The following NLN variants were observed in gnomAD, a reference collection of about 807,000 sequenced individuals.
NLN encodes neurolysin.
A neutral mutation model predicts 79.9 loss-of-function variants in NLN; 64 were observed. That is an observed-to-expected ratio of 0.80 (90% CI 0.65 to 0.99). NLN has a LOEUF of 0.99. Ranked by LOEUF, NLN falls within the 50% of genes least tolerant of loss-of-function variation. The pLI, the probability that NLN is intolerant of heterozygous loss-of-function variation, is 0.00. For missense variants in NLN, 835 were observed against 858.7 expected, an observed-to-expected ratio of 0.97 and a Z score of 0.34; for synonymous variants, 267 against 296.6, an observed-to-expected ratio of 0.90 and a Z score of 1.02.
chr5:65,737,599 T>C (rs1254424699), intron 1 of NLN, among the ~76,000 whole-genome samples: 3 of 152,196 alleles, frequency 2.0e-5, no homozygotes, highest in Non-Finnish European at 4.4e-5. Context: ...AAATTCAGTG[T>C]TCACTATTGA....
chr5:65,809,593 G>A lies in NLN; in HGVS notation c.1606G>A (p.Val536Met). 1 of 1,613,928 alleles carries A rather than the reference G, an allele frequency of 6.2e-7. No individual in the cohort carries two copies. Among genetic ancestry groups the A allele is most frequent in the Non-Finnish European group, 8.5e-7 (1 of 1,179,940 alleles). Residue 536 changes from valine (V) to methionine (M), a missense_variant, in exon 10 of 13, where the codon GTG becomes ATG. Physicochemically the swap from Val to Met is conservative, Grantham distance 21. Coordinates refer to ENST00000380985, the MANE Select transcript of NLN (RefSeq NM_020726.5). The part of the protein sequence containing the change: ...EVPSQMLENW[V>M]WDVDSLRRLS... ...GCCATCGCAAATGCTTGAAAATTGGGTGTGGGACGTCGATTCCCTCCGAAG... is the reference window on the plus strand; with the variant it reads ...GCCATCGCAAATGCTTGAAAATTGGATGTGGGACGTCGATTCCCTCCGAAG...
chr5:65,755,276 C>T (rs1759194520), intron 1 of NLN, among the ~76,000 whole-genome samples: 1 of 151,730 alleles, frequency 6.6e-6, no homozygotes, highest in Non-Finnish European at 1.5e-5. Flanking sequence ...ATATTTATAC[C>T]CAAAACTTTT....
In NLN at chr5:65,792,611, T is replaced by C; in HGVS notation, c.1483T>C (p.Tyr495His). 1 of 1,614,104 alleles carries C rather than the reference T, an allele frequency of 6.2e-7. No individual in the cohort carries two copies. Among genetic ancestry groups the C allele is most frequent in the Middle Eastern group, 1.6e-4 (1 of 6,062 alleles). ...CCTGAGACACGACGAGGTGAGGACT[T>C]ACTTTCATGAGTTTGGTCACGTGAT... ...SLLRHDEVRT[Y>H]FHEFGHVMHQ... The change falls in exon 9 of 13, where the codon TAC becomes CAC. Residue 495 changes from tyrosine (Y) to histidine (H), a missense_variant. Transcript: ENST00000380985.
intron 1 of NLN, among the ~76,000 whole-genome samples, chr5:65,726,633 T>G (rs1013059586): frequency 6.6e-6 from 1 of 152,222 alleles, no homozygotes; most frequent in Non-Finnish European, 1.5e-5. Flanking sequence ...GGTATTAGAT[T>G]CTTTGTTTAT....
chr5:65,788,019 C>A, intron 7 of NLN, 99 bp from the exon 8 acceptor site: 2 of 1,193,782 alleles, frequency 1.7e-6, no homozygotes, highest in Non-Finnish European at 2.4e-6. Flanking sequence ...GTATTGAGTA[C>A]TGCAAAGGAG....
At chr5:65,810,303 A>G in intron 11 of NLN, 138 bp downstream of exon 11, 1 of 753,090 alleles carries the variant, frequency 1.3e-6, no homozygotes, top group Non-Finnish European at 2.2e-6. Flanking sequence ...ACTTTCAGAT[A>G]AGCATACTAT....
At chr5:65,802,837 G>A (rs577949575) in intron 9 of NLN, among the ~76,000 whole-genome samples, 6 of 152,092 alleles carry the variant, frequency 3.9e-5, no homozygotes, top group Admixed American at 1.3e-4. Context: ...CCTGTAGAGG[G>A]TTCAGCTCTC....
chr5:65,765,460 G>A (rs1579933231), intron 3 of NLN, among the ~76,000 whole-genome samples: 1 of 152,312 alleles, frequency 6.6e-6, no homozygotes, highest in Admixed American at 6.5e-5. Context: ...GGAGGTTGCA[G>A]TGAGTCTAGA....
Position 65,815,172 on chromosome 5 carries a change from G to A in NLN, c.1980+2781G>A, listed in dbSNP as rs551521225. Among the ~76,000 whole-genome samples the A allele has an allele frequency of 3.3e-5, 5 of 152,110 alleles. No individual in the cohort carries two copies. The Middle Eastern group carries it at 0.01, about 310-fold the overall frequency. On this transcript the variant is annotated intron_variant, in intron 12 of 12. Transcript: ENST00000380985. ...ACACTGCCTCTCCCAGCCAAGCTTC[G>A]CCATCACCTCCTCTGTGCTTGCCCT...
At chr5:65,771,963 C>CCAA (rs1759578076) in intron 3 of NLN, among the ~76,000 whole-genome samples, 1 of 137,780 alleles carries the variant, frequency 7.3e-6, no homozygotes. Flanking sequence ...AAAACAATGA[C>CCAA]AAAAAAAAAA....
In NLN at chr5:65,794,727, A is replaced by G. The variant is rs142596242; in HGVS notation, c.1527+2072A>G. Among the ~76,000 whole-genome samples the G allele has an allele frequency of 5.1e-4, 78 of 152,296 alleles. 1 individual carries two copies. Among genetic ancestry groups the G allele is most frequent in the African/African-American group, 1.8e-3 (73 of 41,560 alleles). The stretch of plus-strand genomic sequence containing the variant: ...AGGGGGTATGAATGACGAGCAGGAT[A>G]TGGAACAGTCTTTTTGTTGTCCTGA... On this transcript the variant is annotated intron_variant, in intron 9 of 12. Transcript: ENST00000380985.
intron 1 of NLN, among the ~76,000 whole-genome samples, chr5:65,729,369 CTTTTTTTTTTTT>C (rs34963968): frequency 9.9e-6 from 1 of 101,066 alleles, no homozygotes; most frequent in African/African-American, 4.0e-5. Context: ...GTTTTCTTTT[CTTTTTTTTTTTT>C]TTTTTTTTTT....
chr5:65,727,787 G>A (rs1308957314), intron 1 of NLN, among the ~76,000 whole-genome samples: 2 of 151,998 alleles, frequency 1.3e-5, no homozygotes, highest in Non-Finnish European at 2.9e-5. Context: ...TTGTTTTTTT[G>A]AGACAGTCTC....
In NLN at chr5:65,788,416, A is replaced by G; in HGVS notation, c.1257A>G (p.Thr419=). ...TDAHVWNKSV[T]LYTVKDKATG... is the part of the protein sequence containing the mutation. ...CTCATGTTTGGAACAAGAGTGTTAC[A>G]CTTTATACTGTGAAGGATAAAGCTA... is the stretch of plus-strand genomic sequence containing the variant. The change falls in exon 8 of 13, where the codon ACA becomes ACG. Residue 419 remains threonine, a synonymous_variant. Coordinates refer to ENST00000380985, the MANE Select transcript of NLN (RefSeq NM_020726.5). The G allele has an allele frequency of 6.2e-7, 1 of 1,613,680 alleles. No homozygotes were observed. The highest frequency in any genetic ancestry group is 8.5e-7 in the Non-Finnish European group (1 of 1,179,530).
Position 65,824,895 on chromosome 5 carries a change from CA to C in NLN, c.*1981del, listed in dbSNP as rs1389109064. 2.0e-5 allele frequency: 3 copies of C among 152,206 alleles called. No homozygotes were observed. The highest frequency in any genetic ancestry group is 4.4e-5 in the Non-Finnish European group (3 of 68,082). 9.4% of individuals were successfully genotyped at this position (152,206 alleles called of 1,614,324 possible). On this transcript the variant is annotated 3_prime_UTR_variant, in exon 13 of 13. Coordinates refer to ENST00000380985, the MANE Select transcript of NLN (RefSeq NM_020726.5). ...CCAAGGCAGGAGGATCACCTGAGGT[CA>C]GAGTTCAAGACCAGCATGGTCAACA...
chr5:65,781,196 T>C, intron 5 of NLN, 65 bp from the exon 6 acceptor site: 2 of 1,001,476 alleles, frequency 2.0e-6, no homozygotes, highest in Middle Eastern at 2.4e-4. Flanking sequence ...AAAGGCACCA[T>C]GCCAATACTA....
intron 1 of NLN, among the ~76,000 whole-genome samples, chr5:65,748,941 A>G (rs1031937304): frequency 6.6e-6 from 1 of 152,118 alleles, no homozygotes; most frequent in Non-Finnish European, 1.5e-5. Context: ...GAGGAACCCA[A>G]TGGGAGGTCA....
At chr5:65,724,951 G>A (rs1323949629) in intron 1 of NLN, among the ~76,000 whole-genome samples, 3 of 151,458 alleles carry the variant, frequency 2.0e-5, no homozygotes, top group Non-Finnish European at 2.9e-5. Flanking sequence ...ACAGGCGCCC[G>A]CAACCACGCC....
In NLN at chr5:65,824,770, G is replaced by A. The variant is rs11740088; in HGVS notation, c.*1855G>A. ...CACCATGGTGTTCTTTCTATTTAGG[G>A]CCTACCTCTAATATTTAAAATCTAC... On this transcript the variant is annotated 3_prime_UTR_variant, in exon 13 of 13. Transcript: ENST00000380985. 10,829 of 152,200 alleles carry A rather than the reference G, an allele frequency of 0.071. 557 individuals carry two copies. The highest frequency in any genetic ancestry group is 0.15 in the East Asian group (764 of 5,186). The allele number at this position is 152,200 out of a possible 1,614,324, so 9.4% of individuals were successfully genotyped here.
Sources: gnomAD v4.1 joint callset for allele counts (sites outside exome capture counted in the v4.1 genomes callset) on GRCh38, gnomAD v4.1.1 for gene constraint, MANE v1.5 for transcripts, NCBI Gene and HGNC (gene_info 2026-07-23, HGNC 2026-07-21) for gene names.